STPG2: variants seen among roughly 807,000 people sequenced by gnomAD.
STPG2 encodes sperm tail PG-rich repeat containing 2.
A neutral mutation model predicts 54.2 loss-of-function variants in STPG2; 56 were observed. The observed-to-expected ratio is 1.03, with a 90% CI of 0.83 to 1.29. The LOEUF is 1.29. Ranked by LOEUF, STPG2 falls within the 50% of genes most tolerant of loss-of-function variation. STPG2 has a pLI of 0.00. For missense variants in STPG2, 596 were observed against 544.9 expected (o/e 1.09, Z -0.93); for synonymous variants, 200 against 181.8 (o/e 1.10, Z -0.81).
At chr4:97,820,407 A>C in intron 9 of STPG2, among the ~76,000 whole-genome samples, 1 of 152,112 alleles carries the variant, frequency 6.6e-6, no homozygotes, top group East Asian at 1.9e-4. Context: ...CTCACTTTAA[A>C]TTAAAAGCTA....
chr4:97,705,937 A>G (rs11097572), intron 10 of STPG2, among the ~76,000 whole-genome samples: 89,189 of 151,552 alleles, frequency 0.59, 26,561 homozygotes, highest in South Asian at 0.68. Flanking sequence ...TATAACATAC[A>G]GTCCCACTGT....
intron 9 of STPG2, among the ~76,000 whole-genome samples, chr4:97,770,569 C>T (rs1423538231): frequency 6.6e-6 from 1 of 152,156 alleles, no homozygotes; most frequent in Non-Finnish European, 1.5e-5. Context: ...AAAAAATTAA[C>T]ATGAGAATGA....
At chr4:97,558,174 G>A (rs1732125619), downstream of STPG2, among the ~76,000 whole-genome samples, 1 of 152,126 alleles carries the variant, frequency 6.6e-6, no homozygotes, top group East Asian at 1.9e-4. Context: ...ATGGATTCAG[G>A]TTTTTTCAAT....
intron 10 of STPG2, among the ~76,000 whole-genome samples, chr4:97,648,238 T>G (rs1721967624): frequency 6.6e-6 from 1 of 152,088 alleles, no homozygotes; most frequent in Non-Finnish European, 1.5e-5. Flanking sequence ...TAAACATCAG[T>G]CCTATCTAGA....
chr4:97,823,359 A>G (rs999426089), intron 9 of STPG2, among the ~76,000 whole-genome samples: 1 of 152,182 alleles, frequency 6.6e-6, no homozygotes, highest in Non-Finnish European at 1.5e-5. Flanking sequence ...ATCCTTAAAA[A>G]TTATGCTAAA....
chr4:97,543,838 G>A (rs1241586763), intron 4 of STPG2, among the ~76,000 whole-genome samples: 1 of 151,938 alleles, frequency 6.6e-6, no homozygotes, highest in Non-Finnish European at 1.5e-5. Flanking sequence ...GAATCACCTG[G>A]GGAACTTATT....
Position 98,143,417 on chromosome 4 carries a change from G to A in STPG2, c.-267C>T, listed in dbSNP as rs1740361213. Among the ~76,000 whole-genome samples the A allele has an allele frequency of 6.6e-6, 1 of 152,158 alleles. No homozygotes were observed. The highest frequency in any genetic ancestry group is 2.4e-5 in the African/African-American group (1 of 41,446). ...TCCCACACAATCATCAGTTTGCCAGGTGCACGCCACCAAAATTGGGTATTA... is the reference window on the plus strand; with the variant it reads ...TCCCACACAATCATCAGTTTGCCAGATGCACGCCACCAAAATTGGGTATTA... On this transcript the variant is annotated 5_prime_UTR_variant, in exon 1 of 11. Transcript: ENST00000295268.
chr4:97,904,099 C>T (rs1337738430), intron 8 of STPG2, among the ~76,000 whole-genome samples: 1 of 152,230 alleles, frequency 6.6e-6, no homozygotes, highest in Non-Finnish European at 1.5e-5. Context: ...GAGCCCACCA[C>T]AGCTGAAGGA....
intron 9 of STPG2, among the ~76,000 whole-genome samples, chr4:97,739,771 A>C (rs2149035095): frequency 6.6e-6 from 1 of 152,330 alleles, no homozygotes; most frequent in East Asian, 1.9e-4. Context: ...TCACAGCCAA[A>C]TTCTACCAGA....
intron 8 of STPG2, among the ~76,000 whole-genome samples, chr4:97,895,480 T>C (rs1394888027): frequency 6.6e-6 from 1 of 151,862 alleles, no homozygotes; most frequent in Non-Finnish European, 1.5e-5. Context: ...AAAGTCATAA[T>C]TATTCCTTCT....
At chr4:97,863,647 A>C (rs948350819) in intron 8 of STPG2, among the ~76,000 whole-genome samples, 2 of 152,170 alleles carry the variant, frequency 1.3e-5, no homozygotes, top group African/African-American at 4.8e-5. Flanking sequence ...CACAACAAAA[A>C]AAGAGAATTT....
At chr4:97,953,246 G>C (rs1013080219) in intron 7 of STPG2, among the ~76,000 whole-genome samples, 3 of 152,124 alleles carry the variant, frequency 2.0e-5, no homozygotes, top group African/African-American at 7.2e-5. Flanking sequence ...ATGTACAAAT[G>C]AGTTTGTACA....
intron 8 of STPG2, among the ~76,000 whole-genome samples, chr4:97,885,629 T>G (rs1209720181): frequency 6.6e-6 from 1 of 152,192 alleles, no homozygotes; most frequent in Admixed American, 6.6e-5. Flanking sequence ...CACAGGTTCA[T>G]ATATACACAG....
At chr4:97,675,784 C>A (rs1018537043) in intron 10 of STPG2, among the ~76,000 whole-genome samples, 1 of 151,376 alleles carries the variant, frequency 6.6e-6, no homozygotes, top group Non-Finnish European at 1.5e-5. Flanking sequence ...ATTTATCAGA[C>A]TTTCTTATAG....
intron 9 of STPG2, among the ~76,000 whole-genome samples, chr4:97,834,416 G>A (rs954712540): frequency 6.6e-6 from 1 of 151,830 alleles, no homozygotes; most frequent in Non-Finnish European, 1.5e-5. Flanking sequence ...TAGATGAAGG[G>A]GTGATTGATG....
chr4:98,133,089 A>T (rs1307990341), intron 2 of STPG2, among the ~76,000 whole-genome samples: 2 of 152,024 alleles, frequency 1.3e-5, no homozygotes, highest in East Asian at 3.8e-4. Flanking sequence ...TATTAGCAAC[A>T]GCTTGGTTTT....
intron 10 of STPG2, among the ~76,000 whole-genome samples, chr4:97,648,334 T>C (rs1179332523): frequency 2.0e-5 from 3 of 152,142 alleles, no homozygotes; most frequent in African/African-American, 7.2e-5. Flanking sequence ...AGAATTGTAA[T>C]GCTGGTATCT....
At chr4:97,855,100 G>C (rs765648264) in intron 8 of STPG2, among the ~76,000 whole-genome samples, 15 of 152,058 alleles carry the variant, frequency 9.9e-5, no homozygotes, top group Non-Finnish European at 1.6e-4. Context: ...TTTTATGGCT[G>C]CATTGTACTC....
intron 8 of STPG2, among the ~76,000 whole-genome samples, chr4:97,923,341 G>A (rs113553147): frequency 0.023 from 1,497 of 65,360 alleles, 9 homozygotes; most frequent in Middle Eastern, 0.057. Flanking sequence ...CCACCTCCCC[G>A]ACAAGTGCCG....
Sources: allele counts gnomAD v4.1 joint callset (sites outside exome capture counted in the v4.1 genomes callset), GRCh38; gene constraint gnomAD v4.1.1; transcripts MANE v1.5; gene names NCBI Gene and HGNC (gene_info 2026-07-23, HGNC 2026-07-21).